PGPEP1L: variants seen among roughly 807,000 people sequenced by gnomAD.
PGPEP1L encodes the protein pyroglutamyl-peptidase I like.
PGPEP1L carries 7 observed loss-of-function variants against 6.0 expected under a neutral mutation model. The ratio of observed to expected loss-of-function variants is 1.17; its 90% confidence interval spans 0.66 to 2.19. The LOEUF is 2.19. Among genes scored for constraint, PGPEP1L ranks in the 30% most tolerant of loss-of-function variants. The pLI, the probability that PGPEP1L is intolerant of heterozygous loss-of-function variation, is 0.00. For synonymous variants in PGPEP1L, 103 were observed against 83.9 expected (o/e 1.23, Z -1.24); for missense variants, 209 against 192.5 (o/e 1.09, Z -0.51).
intron 2 of PGPEP1L, among the ~76,000 whole-genome samples, chr15:98,987,931 T>C (rs1358609293): frequency 6.6e-6 from 1 of 152,122 alleles, no homozygotes; most frequent in African/African-American, 2.4e-5. Context: ...GAGACTGTAC[T>C]AGGAGGAACA....
intron 2 of PGPEP1L, among the ~76,000 whole-genome samples, chr15:98,972,429 C>T (rs1156734619): frequency 3.3e-5 from 5 of 151,618 alleles, no homozygotes; most frequent in Non-Finnish European, 1.5e-5. Context: ...TAGAGAAAAT[C>T]ACTTAACCAC....
chr15:98,979,742 C>T (rs6598558), intron 2 of PGPEP1L, among the ~76,000 whole-genome samples: 3,748 of 143,534 alleles, frequency 0.026, 173 homozygotes, highest in African/African-American at 0.09. Flanking sequence ...CTCTGCCTCC[C>T]GGGTTCAAGC....
chr15:98,976,364 C>T (rs1174925969), intron 2 of PGPEP1L, among the ~76,000 whole-genome samples: 8 of 152,346 alleles, frequency 5.3e-5, no homozygotes, highest in African/African-American at 1.9e-4. Flanking sequence ...CTCAGGCTAA[C>T]ATCCCTCAGG....
At chr15:99,006,042 A>C (rs1471272453) in intron 1 of PGPEP1L, among the ~76,000 whole-genome samples, 1 of 151,948 alleles carries the variant, frequency 6.6e-6, no homozygotes, top group East Asian at 1.9e-4. Context: ...ATGTGAGCAG[A>C]AAAAAAAGAG....
In PGPEP1L at chr15:98,968,235, G is replaced by A. The variant is rs372692852; in HGVS notation, c.*243C>T. ...ATTTTTGGAAGAAAACAGATGACTCGGATTTCATTTTATTGTCATGAAAAC... is the reference window on the plus strand; with the variant it reads ...ATTTTTGGAAGAAAACAGATGACTCAGATTTCATTTTATTGTCATGAAAAC... On this transcript the variant is annotated 3_prime_UTR_variant, in exon 5 of 5. Coordinates refer to ENST00000535714, the MANE Select transcript of PGPEP1L (RefSeq NM_001167902.2). 41 of 445,728 alleles carry A rather than the reference G, an allele frequency of 9.2e-5. No homozygotes were observed. Among genetic ancestry groups the A allele is most frequent in the East Asian group, 3.5e-4 (9 of 25,614 alleles). 27.6% of individuals were successfully genotyped at this position (445,728 alleles called of 1,614,324 possible).
chr15:98,971,853 AGGC>A (rs2017501938), intron 2 of PGPEP1L, among the ~76,000 whole-genome samples: 1 of 151,836 alleles, frequency 6.6e-6, no homozygotes, highest in African/African-American at 2.4e-5. Flanking sequence ...GTTGAGAGAT[AGGC>A]AACATAAAAA....
intron 2 of PGPEP1L, among the ~76,000 whole-genome samples, chr15:98,981,513 C>CAAA (rs1555471090): frequency 3.0e-5 from 4 of 132,328 alleles, no homozygotes; most frequent in Non-Finnish European, 6.3e-5. Context: ...AAAACAAAAA[C>CAAA]AAAACAAAAA....
chr15:98,991,753 A>T (rs2017823260), intron 2 of PGPEP1L, among the ~76,000 whole-genome samples: 1 of 152,254 alleles, frequency 6.6e-6, no homozygotes. Context: ...AAGCTTATCT[A>T]CTACAATCAA....
At chr15:99,000,349 G>GAC (rs2017946412) in intron 2 of PGPEP1L, among the ~76,000 whole-genome samples, 1 of 152,182 alleles carries the variant, frequency 6.6e-6, no homozygotes, top group South Asian at 2.1e-4. Flanking sequence ...GCTCCACGGC[G>GAC]CCCAGTCCCA....
chr15:99,005,820 G>A (rs1400534922), intron 1 of PGPEP1L, among the ~76,000 whole-genome samples, 164 bp from the exon 2 acceptor site: 2 of 152,198 alleles, frequency 1.3e-5, no homozygotes, highest in East Asian at 3.9e-4. Context: ...AGCTGTCCCG[G>A]TTTGCCTGGG....
chr15:98,977,567 T>C (rs1179600454), intron 2 of PGPEP1L, among the ~76,000 whole-genome samples: 1 of 152,256 alleles, frequency 6.6e-6, no homozygotes, highest in Non-Finnish European at 1.5e-5. Flanking sequence ...CTGAATCCTT[T>C]TGAATTTATT....
chr15:98,970,930 A>T (rs1167447491), intron 3 of PGPEP1L, 106 bp downstream of exon 3: 11 of 1,498,480 alleles, frequency 7.3e-6, no homozygotes, highest in Non-Finnish European at 1.8e-6. Flanking sequence ...GGGCCTGGGG[A>T]CGGGGTGCCC....
chr15:99,007,195 T>C (rs1555473782), intron 1 of PGPEP1L, among the ~76,000 whole-genome samples, 164 bp downstream of exon 1: 2 of 152,184 alleles, frequency 1.3e-5, no homozygotes, highest in Non-Finnish European at 2.9e-5. Flanking sequence ...CCACTCCCTG[T>C]CCTGAGAAGC....
chr15:98,971,049 T>G lies in PGPEP1L; in HGVS notation c.-32A>C, dbSNP rs780462962. 1 of 1,613,728 alleles carries G rather than the reference T, an allele frequency of 6.2e-7. No homozygotes were observed. Among genetic ancestry groups the G allele is most frequent in the Non-Finnish European group, 8.5e-7 (1 of 1,179,748 alleles). On this transcript the variant is annotated 5_prime_UTR_variant, in exon 3 of 5. Coordinates refer to ENST00000535714, the MANE Select transcript of PGPEP1L (RefSeq NM_001167902.2). ...GCCATCACTTACTTGCGGCTGATGA[T>G]CTTCCCAGATTCCGGTGACCCTCCG...
At chr15:98,983,493 G>A (rs879232570) in intron 2 of PGPEP1L, among the ~76,000 whole-genome samples, 1 of 152,092 alleles carries the variant, frequency 6.6e-6, no homozygotes, top group Non-Finnish European at 1.5e-5. Flanking sequence ...ACTGACCCTG[G>A]GTGTGTTTTC....
At chr15:98,972,001 T>G (rs1196476010) in intron 2 of PGPEP1L, among the ~76,000 whole-genome samples, 1 of 151,950 alleles carries the variant, frequency 6.6e-6, no homozygotes, top group African/African-American at 2.4e-5. Flanking sequence ...AACTATCCAA[T>G]TTTTTTATAA....
At chr15:98,977,819 T>C (rs1377373825) in intron 2 of PGPEP1L, among the ~76,000 whole-genome samples, 1 of 152,266 alleles carries the variant, frequency 6.6e-6, no homozygotes, top group Non-Finnish European at 1.5e-5. Context: ...AAAGTTCTAT[T>C]AGTTTTTGCT....
chr15:98,973,593 A>G (rs982710141), intron 2 of PGPEP1L, among the ~76,000 whole-genome samples: 5 of 152,218 alleles, frequency 3.3e-5, no homozygotes, highest in African/African-American at 1.2e-4. Context: ...ATTAAACAGC[A>G]TGCTCCTGGA....
chr15:99,003,203 TAAA>T (rs11292817), intron 2 of PGPEP1L, among the ~76,000 whole-genome samples: 12 of 135,082 alleles, frequency 8.9e-5, no homozygotes, highest in East Asian at 2.1e-4. Flanking sequence ...ATAGTGAGAT[TAAA>T]AAAAAAAAAA....
Sources: allele counts gnomAD v4.1 joint callset (sites outside exome capture counted in the v4.1 genomes callset), GRCh38; gene constraint gnomAD v4.1.1; transcripts MANE v1.5; gene names NCBI Gene and HGNC (gene_info 2026-07-23, HGNC 2026-07-21).